MARCHF1: variants seen among roughly 807,000 people sequenced by gnomAD.
MARCHF1 encodes the protein membrane associated ring-CH-type finger 1.
A neutral mutation model predicts 54.2 loss-of-function variants in MARCHF1; 40 were observed. The ratio of observed to expected loss-of-function variants is 0.74; its 90% confidence interval spans 0.57 to 0.96. The LOEUF is 0.96. Ranked by LOEUF, MARCHF1 falls within the 40% of genes least tolerant of loss-of-function variation. The pLI is 0.00. For synonymous variants in MARCHF1, 236 were observed against 236.3 expected (o/e 1.00, Z 0.01); for missense variants, 586 against 656.5 (o/e 0.89, Z 1.17).
chr4:163,527,315 T>G lies in MARCHF1; in HGVS notation c.*1433A>C, dbSNP rs1412319448. On this transcript the variant is annotated 3_prime_UTR_variant, in exon 10 of 10. Transcript: ENST00000514618. Reference sequence around the variant, plus strand: ...CTGTTGAATATTTTTGTTTTCTAACTGAGCAAGGGAAATCCTGTCAGCTTT... The same window carrying G: ...CTGTTGAATATTTTTGTTTTCTAACGGAGCAAGGGAAATCCTGTCAGCTTT... 2.0e-5 allele frequency: 3 copies of G among 152,094 alleles called. No homozygotes were observed. Among genetic ancestry groups the G allele is most frequent in the Non-Finnish European group, 4.4e-5 (3 of 67,956 alleles). 9.4% of individuals were successfully genotyped at this position (152,094 alleles called of 1,614,324 possible). A position where few individuals can be genotyped will look rare whatever the true frequency, so the allele number is the denominator to read the frequency against.
intron 5 of MARCHF1, among the ~76,000 whole-genome samples, chr4:163,672,073 G>C (rs186979349): frequency 2.1e-3 from 316 of 152,276 alleles, no homozygotes; most frequent in African/African-American, 7.4e-3. Flanking sequence ...TAAGAGTGCA[G>C]GCTCAGGGGT....
chr4:163,901,126 A>C (rs975308074), intron 3 of MARCHF1, among the ~76,000 whole-genome samples: 5 of 152,180 alleles, frequency 3.3e-5, no homozygotes, highest in African/African-American at 1.2e-4. Flanking sequence ...TAGAGTAGTA[A>C]AGAGACAATC....
chr4:164,174,507 T>C (rs866462788), intron 1 of MARCHF1, among the ~76,000 whole-genome samples: 2 of 152,198 alleles, frequency 1.3e-5, no homozygotes, highest in Non-Finnish European at 2.9e-5. Context: ...GATTGTGGAG[T>C]ACAAGTGAGG....
intron 7 of MARCHF1, among the ~76,000 whole-genome samples, chr4:163,611,719 C>T (rs1251426362): frequency 6.6e-6 from 1 of 152,024 alleles, no homozygotes; most frequent in East Asian, 1.9e-4. Flanking sequence ...GTTAATGTGG[C>T]CCCCTTCCCT....
intron 4 of MARCHF1, among the ~76,000 whole-genome samples, chr4:163,720,082 T>C (rs1402071858): frequency 6.6e-6 from 1 of 152,240 alleles, no homozygotes; most frequent in Admixed American, 6.5e-5. Context: ...TTTTGGTGTT[T>C]TAGAAATGAT....
At chr4:163,840,789 C>A (rs965092756) in intron 4 of MARCHF1, among the ~76,000 whole-genome samples, 2 of 151,938 alleles carry the variant, frequency 1.3e-5, no homozygotes, top group South Asian at 2.1e-4. Context: ...ACCCCCAACA[C>A]AGAGATACAT....
At chr4:164,333,570 G>A (rs560256464) in intron 1 of MARCHF1, among the ~76,000 whole-genome samples, 10 of 152,174 alleles carry the variant, frequency 6.6e-5, no homozygotes, top group Non-Finnish European at 1.5e-4. Context: ...CTTAATCAAT[G>A]AAGGACATGT....
intron 4 of MARCHF1, among the ~76,000 whole-genome samples, chr4:163,838,123 T>C (rs1749239718): frequency 6.6e-6 from 1 of 152,132 alleles, no homozygotes; most frequent in African/African-American, 2.4e-5. Flanking sequence ...TGAAAATTTA[T>C]AGCCTTAAAA....
At chr4:163,782,669 C>CAA (rs779917586) in intron 4 of MARCHF1, among the ~76,000 whole-genome samples, 3,745 of 107,584 alleles carry the variant, frequency 0.035, 124 homozygotes, top group African/African-American at 0.088. Flanking sequence ...ACTCCATCTC[C>CAA]AAAAAAAAAA....
rs534288864 is a variant in MARCHF1 at position 163,720,992 on chromosome 4, C to T, written c.112-20129G>A. On this transcript the variant is annotated intron_variant, in intron 4 of 9. Coordinates refer to ENST00000514618, the MANE Select transcript of MARCHF1 (RefSeq NM_001394959.1). ...TCTGCAGACAGGGACAATTTGACTT[C>T]CTCTTTTCCTAATTGAATACCTTTT... 3.8e-3 allele frequency among the ~76,000 whole-genome samples: 585 copies of T among 152,284 alleles called. 3 individuals carry two copies. Among genetic ancestry groups the T allele is most frequent in the African/African-American group, 0.014 (562 of 41,550 alleles).
At chr4:164,099,140 T>C (rs1560903091) in intron 2 of MARCHF1, among the ~76,000 whole-genome samples, 1 of 152,202 alleles carries the variant, frequency 6.6e-6, no homozygotes, top group South Asian at 2.1e-4. Flanking sequence ...CTCAGCTGCA[T>C]AAACAAACAG....
chr4:163,758,094 C>T (rs1174521511), intron 4 of MARCHF1, among the ~76,000 whole-genome samples: 1 of 152,048 alleles, frequency 6.6e-6, no homozygotes, highest in African/African-American at 2.4e-5. Context: ...CCTTTTCTAC[C>T]TGTTTTCTTT....
chr4:164,171,443 G>A (rs543540523), intron 1 of MARCHF1, among the ~76,000 whole-genome samples: 1 of 152,114 alleles, frequency 6.6e-6, no homozygotes, highest in South Asian at 2.1e-4. Flanking sequence ...TGTATGGCTT[G>A]GTGCCATTGA....
chr4:163,541,428 A>G (rs1738720551), intron 9 of MARCHF1, among the ~76,000 whole-genome samples: 1 of 152,232 alleles, frequency 6.6e-6, no homozygotes, highest in Non-Finnish European at 1.5e-5. Context: ...CTTCTAGACT[A>G]TGTAAAGATA....
chr4:164,221,212 G>A (rs1309369216), intron 1 of MARCHF1, among the ~76,000 whole-genome samples: 7 of 152,024 alleles, frequency 4.6e-5, no homozygotes, highest in Admixed American at 3.9e-4. Context: ...TTGAGAACAT[G>A]TGGGAAGTAA....
At chr4:164,285,996 G>GT (rs1171869285) in intron 1 of MARCHF1, among the ~76,000 whole-genome samples, 1 of 152,100 alleles carries the variant, frequency 6.6e-6, no homozygotes, top group Admixed American at 6.5e-5. Context: ...TGAGTAAGGA[G>GT]TAAGCACATA....
chr4:163,719,473 T>C (rs928927479), intron 4 of MARCHF1, among the ~76,000 whole-genome samples: 1 of 152,204 alleles, frequency 6.6e-6, no homozygotes, highest in Non-Finnish European at 1.5e-5. Flanking sequence ...CTATTGTGAA[T>C]ACTGCCGCAA....
intron 3 of MARCHF1, chr4:163,933,145 C>A: frequency 1.1e-6 from 1 of 913,720 alleles, no homozygotes; most frequent in Non-Finnish European, 1.7e-6. Context: ...AATGAAGATT[C>A]ATCCAAAAGA....
intron 8 of MARCHF1, among the ~76,000 whole-genome samples, chr4:163,578,100 G>A (rs1560952780): frequency 6.6e-6 from 1 of 151,484 alleles, no homozygotes; most frequent in Admixed American, 6.6e-5. Flanking sequence ...ATAGATCATT[G>A]GAATATTGAC....
Sources: allele counts gnomAD v4.1 joint callset (sites outside exome capture counted in the v4.1 genomes callset), GRCh38; gene constraint gnomAD v4.1.1; transcripts MANE v1.5; gene names NCBI Gene and HGNC (gene_info 2026-07-23, HGNC 2026-07-21).